AGTR1: variants seen among roughly 807,000 people sequenced by gnomAD.
The protein encoded by AGTR1 is angiotensin II receptor type 1.
AGTR1 carries 16 observed loss-of-function variants against 19.4 expected under a neutral mutation model. The observed-to-expected ratio is 0.82, with a 90% CI of 0.56 to 1.25. AGTR1 has a LOEUF of 1.25. Ranked by LOEUF, AGTR1 falls within the 50% of genes most tolerant of loss-of-function variation. The pLI, the probability that AGTR1 is intolerant of heterozygous loss-of-function variation, is 0.00. For missense variants in AGTR1, 373 were observed against 431.9 expected (o/e 0.86, Z 1.21); for synonymous variants, 153 against 154.9 (o/e 0.99, Z 0.09).
At chr3:148,718,522 G>A (rs1418238017) in intron 2 of AGTR1, among the ~76,000 whole-genome samples, 3 of 152,254 alleles carry the variant, frequency 2.0e-5, no homozygotes, top group South Asian at 2.1e-4. Context: ...AACATGGAAC[G>A]CAGTGAAAAC....
chr3:148,729,745 T>A (rs1714149263), intron 2 of AGTR1, among the ~76,000 whole-genome samples: 1 of 152,208 alleles, frequency 6.6e-6, no homozygotes, highest in Non-Finnish European at 1.5e-5. Context: ...ATGGTCTAAA[T>A]ATTTTTATTA....
intron 1 of AGTR1, among the ~76,000 whole-genome samples, chr3:148,706,906 A>T (rs540505309): frequency 1.3e-5 from 2 of 152,186 alleles, no homozygotes; most frequent in Middle Eastern, 3.4e-3. Context: ...TCTATCAAAA[A>T]CTTAGCATAT....
At chr3:148,724,366 CTT>C (rs1029006116) in intron 2 of AGTR1, among the ~76,000 whole-genome samples, 9 of 152,058 alleles carry the variant, frequency 5.9e-5, no homozygotes, top group African/African-American at 2.2e-4. Context: ...CAAGGACTCT[CTT>C]ATGAATCTCT....
At chr3:148,738,165 AAGG>A (rs953071761) in intron 2 of AGTR1, among the ~76,000 whole-genome samples, 1 of 152,050 alleles carries the variant, frequency 6.6e-6, no homozygotes, top group South Asian at 2.1e-4. Flanking sequence ...GAGGAGAGAG[AAGG>A]AGAAGAAAAT....
intron 2 of AGTR1, chr3:148,731,511 G>A (rs1316013908): frequency 6.6e-6 from 1 of 152,156 alleles, no homozygotes; most frequent in East Asian, 1.9e-4. Flanking sequence ...TTGAAAGTCT[G>A]AGCTTTATTT....
intron 2 of AGTR1, among the ~76,000 whole-genome samples, chr3:148,712,807 T>C (rs1196672184): frequency 6.6e-6 from 1 of 152,162 alleles, no homozygotes; most frequent in Non-Finnish European, 1.5e-5. Flanking sequence ...TATTCAACAC[T>C]GAACCATTAA....
chr3:148,703,308 A>G (rs1329370900), intron 1 of AGTR1, among the ~76,000 whole-genome samples: 1 of 152,204 alleles, frequency 6.6e-6, no homozygotes, highest in East Asian at 1.9e-4. Flanking sequence ...TTGGAACTGC[A>G]GAATCTCAGA....
intron 1 of AGTR1, among the ~76,000 whole-genome samples, chr3:148,701,152 A>G (rs1712314171): frequency 6.6e-6 from 1 of 152,234 alleles, no homozygotes; most frequent in South Asian, 2.1e-4. Flanking sequence ...TTATCCTATT[A>G]AAGCTCTAAA....
chr3:148,721,771 G>T (rs1438615778), intron 2 of AGTR1, among the ~76,000 whole-genome samples: 2 of 152,138 alleles, frequency 1.3e-5, no homozygotes, highest in East Asian at 1.9e-4. Flanking sequence ...ATCTGCAAAT[G>T]GTACCCCTTG....
rs1237486862 is a variant in AGTR1 at position 148,697,994 on chromosome 3, G to A, written c.-265G>A. The stretch of plus-strand genomic sequence containing the variant: ...GCTAGCAGCTCTGCCGGGCCGCGGC[G>A]GTGATCGATGGGGAGCGGCTGGAGC... On this transcript the variant is annotated 5_prime_UTR_variant, in exon 1 of 3. Coordinates refer to ENST00000349243, the MANE Select transcript of AGTR1 (RefSeq NM_000685.5). 6.6e-6 allele frequency: 1 copy of A among 152,296 alleles called. No homozygotes were observed. Among genetic ancestry groups the A allele is most frequent in the African/African-American group, 2.4e-5 (1 of 41,466 alleles). The allele number at this position is 152,296 out of a possible 1,614,324, so 9.4% of individuals were successfully genotyped here.
chr3:148,735,880 C>T (rs576857047), intron 2 of AGTR1, among the ~76,000 whole-genome samples: 1 of 152,156 alleles, frequency 6.6e-6, no homozygotes, highest in Non-Finnish European at 1.5e-5. Context: ...AGCTGTCCAG[C>T]ACTATAAGCA....
rs919412214 is a variant in AGTR1, at chr3:148,739,971, A to C, written c.-47-1018A>C. The C allele has an allele frequency of 2.4e-6, 3 of 1,231,608 alleles. No individual in the cohort carries two copies. In the Admixed American group the frequency reaches 1.3e-4, roughly 52 times the overall value. The allele number at this position is 1,231,608 out of a possible 1,614,324, so 76.3% of individuals were successfully genotyped here. ...TACCACATTCGGTGATGTCACTCTC[A>C]CTGAACCTTCAGCCTCCTTCCTGGG... On this transcript the variant is annotated intron_variant, in intron 2 of 2. Coordinates refer to ENST00000349243, the MANE Select transcript of AGTR1 (RefSeq NM_000685.5).
intron 1 of AGTR1, among the ~76,000 whole-genome samples, chr3:148,705,747 T>C (rs1472548866): frequency 6.6e-6 from 1 of 151,456 alleles, no homozygotes; most frequent in Non-Finnish European, 1.5e-5. Context: ...TTAAAATATT[T>C]AGTGGCAAGT....
chr3:148,742,186 C>G lies in AGTR1; in HGVS notation c.*71C>G. 1 of 1,577,268 alleles carries G rather than the reference C, an allele frequency of 6.3e-7. No homozygotes were observed. The highest frequency in any genetic ancestry group is 8.7e-7 in the Non-Finnish European group (1 of 1,147,078). On this transcript the variant is annotated 3_prime_UTR_variant, in exon 3 of 3. Transcript: ENST00000349243. The stretch of plus-strand genomic sequence containing the variant: ...AAGAGAACATTCCTCTGCAGCACTT[C>G]ACTACCAAATGAGCATTAGCTACTT...
chr3:148,701,108 G>C (rs983495755), intron 1 of AGTR1, among the ~76,000 whole-genome samples: 5 of 151,974 alleles, frequency 3.3e-5, no homozygotes, highest in Admixed American at 1.3e-4. Context: ...AGGGACTTAA[G>C]GTAATATTCA....
chr3:148,741,491 T>G lies in AGTR1; in HGVS notation c.456T>G (p.Ile152Met). 6.2e-7 allele frequency: 1 copy of G among 1,613,856 alleles called. No homozygotes were observed. The change falls in exon 3 of 3, where the codon ATT (isoleucine) becomes ATG (methionine). Residue 152 changes from isoleucine to methionine, a missense_variant. Ile to Met is a conservative substitution (Grantham distance 10). Coordinates refer to ENST00000349243, the MANE Select transcript of AGTR1 (RefSeq NM_000685.5). ...TAGCCAAAGTCACCTGCATCATCAT[T>G]TGGCTGCTGGCAGGCTTGGCCAGTT... is the stretch of plus-strand genomic sequence containing the variant. ...MLVAKVTCII[I>M]WLLAGLASLP... is the part of the protein sequence containing the mutation.
intron 2 of AGTR1, among the ~76,000 whole-genome samples, chr3:148,720,661 T>C (rs1364024891): frequency 3.9e-5 from 6 of 152,212 alleles, no homozygotes; most frequent in Non-Finnish European, 8.8e-5. Context: ...CGTACCGGTT[T>C]GGCCTAAATA....
In AGTR1 at chr3:148,741,205, T is replaced by C. The variant is rs758161051; in HGVS notation, c.170T>C (p.Met57Thr). Reference protein sequence around the residue: ...SLVVIVIYFYMKLKTVASVFL... With the variant: ...SLVVIVIYFYTKLKTVASVFL... ...GTGGTGATAGTCATTTACTTTTATA[T>C]GAAGCTGAAGACTGTGGCCAGTGTT... Residue 57 changes from methionine to threonine, a missense_variant, in exon 3 of 3, where the codon ATG becomes ACG. Transcript: ENST00000349243. 31 of 1,614,212 alleles carry C rather than the reference T, an allele frequency of 1.9e-5. No homozygotes were observed. The highest frequency in any genetic ancestry group is 1.7e-4 in the Middle Eastern group (1 of 6,054).
At chr3:148,711,012 T>C (rs924614491) in intron 2 of AGTR1, among the ~76,000 whole-genome samples, 1 of 152,130 alleles carries the variant, frequency 6.6e-6, no homozygotes, top group Non-Finnish European at 1.5e-5. Context: ...AACACCATGC[T>C]TCCTTGTAAG....
Sources: allele counts gnomAD v4.1 joint callset (sites outside exome capture counted in the v4.1 genomes callset), GRCh38; gene constraint gnomAD v4.1.1; transcripts MANE v1.5; gene names NCBI Gene and HGNC (gene_info 2026-07-23, HGNC 2026-07-21).